Variants in GNAI3 observed in about 807,000 individuals in gnomAD.
GNAI3 encodes guanine nucleotide-binding protein G(i) subunit alpha-3.
GNAI3 carries 12 observed loss-of-function variants against 41.8 expected under a neutral mutation model. That is an observed-to-expected ratio of 0.29 (90% CI 0.18 to 0.47). The LOEUF is 0.47. GNAI3 is among the 20% of genes least tolerant of loss of function. GNAI3 has a pLI of 1.00. For missense variants in GNAI3, 360 were observed against 429.6 expected (o/e 0.84, Z 1.43); for synonymous variants, 132 against 146.5 (o/e 0.90, Z 0.71).
At chr1:109,574,652 A>G (rs941117649) in intron 3 of GNAI3, among the ~76,000 whole-genome samples, 1 of 152,228 alleles carries the variant, frequency 6.6e-6, no homozygotes, top group Non-Finnish European at 1.5e-5. Context: ...TTATAAAATT[A>G]GAGCATGTGT....
chr1:109,590,637 A>G (rs951114062), intron 7 of GNAI3, among the ~76,000 whole-genome samples: 1 of 150,970 alleles, frequency 6.6e-6, no homozygotes, highest in African/African-American at 2.4e-5. Context: ...ATGCAGTGGC[A>G]TGATCTCGGC....
At position 109,596,332 on chromosome 1, in the gene GNAI3, A is replaced by G. The variant is rs1197584845; in HGVS notation, c.*4010A>G. ...AGAACAACATACTTCAGAACATGTC[A>G]GGATAGGGCAGTTTTTTCTTGTTTT... On this transcript the variant is annotated 3_prime_UTR_variant, in exon 9 of 9. Coordinates refer to ENST00000369851, the MANE Select transcript of GNAI3 (RefSeq NM_006496.4). 6.6e-5 allele frequency: 10 copies of G among 152,222 alleles called. No homozygotes were observed. Among genetic ancestry groups the G allele is most frequent in the Non-Finnish European group, 1.5e-4 (10 of 68,096 alleles). 9.4% of individuals were successfully genotyped at this position (152,222 alleles called of 1,614,324 possible). A position where few individuals can be genotyped will look rare whatever the true frequency, so the allele number is the denominator to read the frequency against.
chr1:109,580,306 AT>A (rs908924659), intron 4 of GNAI3, among the ~76,000 whole-genome samples: 5 of 151,030 alleles, frequency 3.3e-5, no homozygotes, highest in African/African-American at 1.2e-4. Context: ...TCCGGAATGT[AT>A]TTTTTTTTAA....
At chr1:109,558,168 A>G (rs1217563842) in intron 1 of GNAI3, among the ~76,000 whole-genome samples, 1 of 152,168 alleles carries the variant, frequency 6.6e-6, no homozygotes, top group South Asian at 2.1e-4. Flanking sequence ...CATGCTTGTA[A>G]TCCCAGCACT....
In GNAI3 at chr1:109,598,817, C is replaced by G. The variant is rs1052212272; in HGVS notation, c.*6495C>G. On this transcript the variant is annotated 3_prime_UTR_variant, in exon 9 of 9. Coordinates refer to ENST00000369851, the MANE Select transcript of GNAI3 (RefSeq NM_006496.4). ...GAAATGTTTTCATGCTTTTACCTAG[C>G]AGGACCACCAGAGGCTCTGTCACAC... The G allele has an allele frequency of 7.8e-6, 4 of 513,734 alleles. No homozygotes were observed. The highest frequency in any genetic ancestry group is 1.2e-5 in the Non-Finnish European group (3 of 243,778). 31.8% of individuals were successfully genotyped at this position (513,734 alleles called of 1,614,324 possible).
chr1:109,593,781 T>C lies in GNAI3; in HGVS notation c.*1459T>C, dbSNP rs1488052634. On this transcript the variant is annotated 3_prime_UTR_variant, in exon 9 of 9. Transcript: ENST00000369851. ...GTTCACTTCAACCTACAGACCCTTTTGTATAATGTACAGCAAATGTCATTA... is the reference window on the plus strand; with the variant it reads ...GTTCACTTCAACCTACAGACCCTTTCGTATAATGTACAGCAAATGTCATTA... The C allele has an allele frequency of 6.6e-6, 1 of 152,660 alleles. No individual in the cohort carries two copies. Among genetic ancestry groups the C allele is most frequent in the Non-Finnish European group, 1.5e-5 (1 of 68,038 alleles). 9.5% of individuals were successfully genotyped at this position (152,660 alleles called of 1,614,324 possible). A position where few individuals can be genotyped will look rare whatever the true frequency, so the allele number is the denominator to read the frequency against.
chr1:109,555,744 T>C (rs1648121541), intron 1 of GNAI3, among the ~76,000 whole-genome samples: 1 of 152,216 alleles, frequency 6.6e-6, no homozygotes, highest in Non-Finnish European at 1.5e-5. Context: ...TCTAATAAAA[T>C]TGATTCGTAG....
At chr1:109,552,155 C>T (rs1647996911) in intron 1 of GNAI3, among the ~76,000 whole-genome samples, 1 of 146,158 alleles carries the variant, frequency 6.8e-6, no homozygotes, top group South Asian at 2.2e-4. Context: ...AAGTGAGACT[C>T]TTTGTCTCAA....
At chr1:109,559,789 T>G (rs1419544189) in intron 1 of GNAI3, among the ~76,000 whole-genome samples, 1 of 152,248 alleles carries the variant, frequency 6.6e-6, no homozygotes, top group East Asian at 1.9e-4. Flanking sequence ...AGCATTTATC[T>G]TGTCCAGGTG....
At chr1:109,555,215 G>A (rs1648109071) in intron 1 of GNAI3, among the ~76,000 whole-genome samples, 3 of 152,208 alleles carry the variant, frequency 2.0e-5, no homozygotes, top group South Asian at 2.1e-4. Context: ...AAAAGAGCCC[G>A]TATAGCCAAA....
intron 3 of GNAI3, among the ~76,000 whole-genome samples, chr1:109,576,372 A>C (rs1046964214): frequency 6.6e-6 from 1 of 151,756 alleles, no homozygotes; most frequent in Admixed American, 6.6e-5. Context: ...CCCGGCTTCT[A>C]CTCTAGTTTT....
intron 1 of GNAI3, among the ~76,000 whole-genome samples, chr1:109,560,036 T>C (rs1453843450): frequency 6.6e-6 from 1 of 152,248 alleles, no homozygotes; most frequent in Non-Finnish European, 1.5e-5. Context: ...GTTTGACTTA[T>C]ACCTGAATAG....
intron 7 of GNAI3, among the ~76,000 whole-genome samples, chr1:109,590,200 A>T (rs950878046): frequency 2.6e-5 from 4 of 152,244 alleles, no homozygotes; most frequent in Non-Finnish European, 5.9e-5. Context: ...AGGTGAGAAT[A>T]AGGTGAGTTT....
intron 7 of GNAI3, among the ~76,000 whole-genome samples, chr1:109,588,510 A>T (rs1649091166): frequency 6.6e-6 from 1 of 152,214 alleles, no homozygotes; most frequent in Non-Finnish European, 1.5e-5. Context: ...TGTAACTGCC[A>T]GGGATGGATC....
intron 1 of GNAI3, among the ~76,000 whole-genome samples, chr1:109,556,055 T>G (rs1030194082): frequency 7.1e-6 from 1 of 141,318 alleles, no homozygotes; most frequent in Non-Finnish European, 1.5e-5. Flanking sequence ...CTTTTTTTTT[T>G]TTGTTGAGTC....
chr1:109,592,070 C>T lies in GNAI3; in HGVS notation c.902C>T (p.Ala301Val). ...TCCAATACATATGAAGAGGCAGCTGCCTATATTCAATGCCAGTTTGAAGAT... is the reference window on the plus strand; with the variant it reads ...TCCAATACATATGAAGAGGCAGCTGTCTATATTCAATGCCAGTTTGAAGAT... ...TGSNTYEEAAAYIQCQFEDLN... is the reference protein window; with the variant it reads ...TGSNTYEEAAVYIQCQFEDLN... The change falls in exon 8 of 9, where the codon GCC becomes GTC. Residue 301 changes from alanine to valine, a missense_variant. Coordinates refer to ENST00000369851, the MANE Select transcript of GNAI3 (RefSeq NM_006496.4). 6.2e-7 allele frequency: 1 copy of T among 1,612,180 alleles called. No individual in the cohort carries two copies. Among genetic ancestry groups the T allele is most frequent in the Non-Finnish European group, 8.5e-7 (1 of 1,178,560 alleles).
At chr1:109,573,667 C>T in intron 1 of GNAI3, 70 bp from the exon 2 acceptor site, 1 of 1,256,566 alleles carries the variant, frequency 8.0e-7, no homozygotes, top group Non-Finnish European at 1.2e-6. Flanking sequence ...CTAGAGTTAT[C>T]ATTCATGTTG....
intron 7 of GNAI3, among the ~76,000 whole-genome samples, chr1:109,591,138 T>C (rs1026841307): frequency 6.6e-6 from 1 of 152,178 alleles, no homozygotes; most frequent in African/African-American, 2.4e-5. Context: ...CCTTTCTTTT[T>C]GTAAAAAATA....
At chr1:109,569,392 T>A (rs1475825245) in intron 1 of GNAI3, among the ~76,000 whole-genome samples, 1 of 152,196 alleles carries the variant, frequency 6.6e-6, no homozygotes, top group African/African-American at 2.4e-5. Flanking sequence ...GATGGGCAAC[T>A]GAATCTCTCC....
Sources: allele counts gnomAD v4.1 joint callset (sites outside exome capture counted in the v4.1 genomes callset), GRCh38; gene constraint gnomAD v4.1.1; transcripts MANE v1.5; gene names NCBI Gene and HGNC (gene_info 2026-07-23, HGNC 2026-07-21).